Variants in GMDS observed in about 807,000 individuals in gnomAD.
GMDS encodes GDP-mannose 4,6 dehydratase.
In GMDS, 20 loss-of-function variants were observed where a neutral mutation model predicts 49.9. The ratio of observed to expected loss-of-function variants is 0.40; its 90% CI spans 0.28 to 0.58. The LOEUF (loss-of-function observed/expected upper bound fraction) is 0.58. Ranked by LOEUF, GMDS falls within the 20% of genes least tolerant of loss-of-function variation. GMDS has a pLI of 0.42. For missense variants in GMDS, 362 were observed against 481.4 expected (o/e 0.75, Z 2.32); for synonymous variants, 177 against 178.6 (o/e 0.99, Z 0.07).
At chr6:2,002,254 C>T (rs1035561382) in intron 4 of GMDS, among the ~76,000 whole-genome samples, 13 of 152,094 alleles carry the variant, frequency 8.5e-5, no homozygotes, top group South Asian at 2.1e-4. Context: ...ACGGTAGTGG[C>T]GAAAGACAGT....
chr6:1,810,729 G>C (rs547227194), intron 7 of GMDS, among the ~76,000 whole-genome samples: 1 of 152,300 alleles, frequency 6.6e-6, no homozygotes, highest in South Asian at 2.1e-4. Context: ...CAAAGGAGAT[G>C]ACTGGACATA....
In GMDS at chr6:1,933,950, C is replaced by T. The variant is rs115122127; in HGVS notation, c.644-3720G>A. 3.9e-3 allele frequency among the ~76,000 whole-genome samples: 597 copies of T among 152,150 alleles called. 5 individuals carry two copies. Among genetic ancestry groups the T allele is most frequent in the African/African-American group, 0.013 (548 of 41,520 alleles). On this transcript the variant is annotated intron_variant, in intron 6 of 10. Transcript: ENST00000380815. ...TTTGGTGTCATATTCGAGAAGGCTT[C>T]GTTAATCCAAGGTCATGAAGATTTA...
At chr6:1,743,398 C>T (rs1767352591) in intron 7 of GMDS, among the ~76,000 whole-genome samples, 1 of 150,352 alleles carries the variant, frequency 6.7e-6, no homozygotes, top group Non-Finnish European at 1.5e-5. Flanking sequence ...AAAAAATTAG[C>T]CGGGCGTGGT....
intron 1 of GMDS, among the ~76,000 whole-genome samples, chr6:2,214,324 T>C (rs1156841971): frequency 6.6e-6 from 1 of 152,188 alleles, no homozygotes; most frequent in Admixed American, 6.5e-5. Flanking sequence ...TTGGCCCCTA[T>C]ATCCATCGGT....
At chr6:1,980,584 A>T (rs1765168461) in intron 4 of GMDS, among the ~76,000 whole-genome samples, 1 of 152,158 alleles carries the variant, frequency 6.6e-6, no homozygotes, top group South Asian at 2.1e-4. Context: ...AAAGACTTAG[A>T]CTCCCAACAA....
intron 4 of GMDS, among the ~76,000 whole-genome samples, chr6:2,019,695 C>T (rs560931939): frequency 1.3e-5 from 2 of 152,176 alleles, no homozygotes; most frequent in South Asian, 4.2e-4. Flanking sequence ...GGTGATCCAC[C>T]TGCCTCGGCC....
At chr6:2,225,809 A>T (rs2127592268) in intron 1 of GMDS, among the ~76,000 whole-genome samples, 1 of 152,364 alleles carries the variant, frequency 6.6e-6, no homozygotes, top group East Asian at 1.9e-4. Context: ...TACAAACAAC[A>T]TTAATGCTCC....
chr6:1,768,169 G>C (rs1172295788), intron 7 of GMDS, among the ~76,000 whole-genome samples: 2 of 152,096 alleles, frequency 1.3e-5, no homozygotes, highest in Non-Finnish European at 2.9e-5. Context: ...AACCTTAATA[G>C]GTAACATGAG....
At chr6:1,628,022 G>A (rs1159822947) in intron 9 of GMDS, among the ~76,000 whole-genome samples, 5 of 152,156 alleles carry the variant, frequency 3.3e-5, no homozygotes, top group African/African-American at 7.2e-5. Flanking sequence ...TCTGACTCAC[G>A]GACTGTGTGT....
At chr6:1,737,753 TACACAC>T (rs144527413) in intron 8 of GMDS, among the ~76,000 whole-genome samples, 1 of 120,764 alleles carries the variant, frequency 8.3e-6, no homozygotes, top group Non-Finnish European at 1.6e-5. Context: ...CACATACACA[TACACAC>T]ACACCACACA....
intron 9 of GMDS, among the ~76,000 whole-genome samples, chr6:1,629,592 G>A (rs756316309): frequency 6.6e-6 from 1 of 152,198 alleles, no homozygotes; most frequent in Non-Finnish European, 1.5e-5. Context: ...CCACCCTTAT[G>A]GAGGCTGCCG....
At chr6:1,755,430 A>C (rs1272330682) in intron 7 of GMDS, among the ~76,000 whole-genome samples, 1 of 152,232 alleles carries the variant, frequency 6.6e-6, no homozygotes, top group Non-Finnish European at 1.5e-5. Context: ...AATGAATATC[A>C]TGAAAATGGA....
chr6:1,746,763 A>G lies in GMDS; in HGVS notation c.772-4177T>C, dbSNP rs561139088. Reference sequence around the variant, plus strand: ...GTCGCCCAGGCTGGAGTACAGTGGCACAATCTCGGCTCACTGCAACCTCCG... The same window carrying G: ...GTCGCCCAGGCTGGAGTACAGTGGCGCAATCTCGGCTCACTGCAACCTCCG... On this transcript the variant is annotated intron_variant, in intron 7 of 10. Coordinates refer to ENST00000380815, the MANE Select transcript of GMDS (RefSeq NM_001500.4). Among the ~76,000 whole-genome samples, 3 of 152,180 alleles carry G rather than the reference A, an allele frequency of 2.0e-5. No homozygotes were observed. In the East Asian group the frequency reaches 5.8e-4, roughly 29 times the overall value.
intron 4 of GMDS, among the ~76,000 whole-genome samples, chr6:2,044,441 C>T (rs1769874567): frequency 6.6e-6 from 1 of 152,136 alleles, no homozygotes; most frequent in Non-Finnish European, 1.5e-5. Context: ...GGCCATTATC[C>T]TTAGCAAACT....
chr6:1,783,038 C>T (rs566182046), intron 7 of GMDS, among the ~76,000 whole-genome samples: 52 of 152,132 alleles, frequency 3.4e-4, no homozygotes, highest in African/African-American at 1.2e-3. Context: ...AACTGTGGTC[C>T]CAGCTACTCT....
chr6:2,232,054 T>A (rs1350729341), intron 1 of GMDS, among the ~76,000 whole-genome samples: 1 of 152,076 alleles, frequency 6.6e-6, no homozygotes, highest in Admixed American at 6.5e-5. Context: ...ATGAAAAAAA[T>A]GGAAATGAGA....
chr6:1,657,789 C>T (rs1465982517), intron 9 of GMDS, among the ~76,000 whole-genome samples: 1 of 126,600 alleles, frequency 7.9e-6, no homozygotes, highest in Non-Finnish European at 1.6e-5. Flanking sequence ...GAGAGTTGGG[C>T]AAAATTCTCT....
At chr6:1,624,372 C>G (rs983606544) in intron 10 of GMDS, 100 bp downstream of exon 10, 1 of 1,315,856 alleles carries the variant, frequency 7.6e-7, no homozygotes, top group Admixed American at 1.9e-5. Context: ...GCCTTCCGGG[C>G]TTTGGGCATC....
At chr6:1,851,138 T>A (rs372266120) in intron 7 of GMDS, among the ~76,000 whole-genome samples, 11 of 152,304 alleles carry the variant, frequency 7.2e-5, no homozygotes, top group African/African-American at 2.6e-4. Context: ...GAATGTTCCA[T>A]CCATCAAATG....
Sources: gnomAD v4.1 joint callset for allele counts (sites outside exome capture counted in the v4.1 genomes callset) on GRCh38, gnomAD v4.1.1 for gene constraint, MANE v1.5 for transcripts, NCBI Gene and HGNC (gene_info 2026-07-23, HGNC 2026-07-21) for gene names.